Variants in PPME1 observed in about 807,000 individuals in gnomAD.
The protein encoded by PPME1 is protein phosphatase methylesterase 1, also known as testicular secretory protein Li 39.
A neutral mutation model predicts 56.9 loss-of-function variants in PPME1; 17 were observed. That is an observed-to-expected ratio of 0.30 (90% CI 0.20 to 0.45). The LOEUF (loss-of-function observed/expected upper bound fraction) is 0.45. PPME1 is among the 20% of genes least tolerant of loss of function. The probability of loss-of-function intolerance (pLI) is 1.00; values close to 1 mark genes in which losing one functional copy is unlikely to be tolerated. For synonymous variants in PPME1, 122 were observed against 156.2 expected, an observed-to-expected ratio of 0.78 and a Z score of 1.63; for missense variants, 357 against 483.2, an observed-to-expected ratio of 0.74 and a Z score of 2.45.
At chr11:74,218,885 A>G (rs1270135396) in intron 3 of PPME1, among the ~76,000 whole-genome samples, 2 of 152,168 alleles carry the variant, frequency 1.3e-5, no homozygotes, top group African/African-American at 2.4e-5. Context: ...AAAATGGACA[A>G]ATGGGATCAT....
intron 1 of PPME1, among the ~76,000 whole-genome samples, chr11:74,186,964 G>A (rs1279098425): frequency 6.6e-6 from 1 of 152,140 alleles, no homozygotes; most frequent in Non-Finnish European, 1.5e-5. Flanking sequence ...TCTTTTGCAT[G>A]TGGATATCCA....
intron 9 of PPME1, among the ~76,000 whole-genome samples, chr11:74,239,768 G>A (rs1006747603): frequency 6.6e-6 from 1 of 151,324 alleles, no homozygotes; most frequent in Admixed American, 6.6e-5. Flanking sequence ...TTTTAGTAGA[G>A]ACGGGGTTTC....
intron 3 of PPME1, among the ~76,000 whole-genome samples, chr11:74,206,305 A>G (rs951274623): frequency 2.6e-5 from 4 of 151,892 alleles, no homozygotes; most frequent in East Asian, 3.9e-4. Flanking sequence ...CCATCTTTCT[A>G]TTTTCTAGGT....
At chr11:74,209,155 G>C (rs1858405802) in intron 3 of PPME1, among the ~76,000 whole-genome samples, 1 of 152,150 alleles carries the variant, frequency 6.6e-6, no homozygotes, top group Non-Finnish European at 1.5e-5. Context: ...CACCCAGGCT[G>C]GAGTACAGTG....
At chr11:74,183,940 C>T (rs1221369356) in intron 1 of PPME1, among the ~76,000 whole-genome samples, 1 of 152,108 alleles carries the variant, frequency 6.6e-6, no homozygotes, top group East Asian at 1.9e-4. Context: ...TTAGAATTGT[C>T]CATCCTGAAT....
At chr11:74,174,830 A>C (rs1284663456) in intron 1 of PPME1, among the ~76,000 whole-genome samples, 1 of 152,256 alleles carries the variant, frequency 6.6e-6, no homozygotes, top group Non-Finnish European at 1.5e-5. Flanking sequence ...GGGTAAAGAC[A>C]TTCAGACCCA....
At chr11:74,189,241 T>G (rs1351983458) in intron 1 of PPME1, among the ~76,000 whole-genome samples, 1 of 152,250 alleles carries the variant, frequency 6.6e-6, no homozygotes, top group East Asian at 1.9e-4. Context: ...AATTAAAAAA[T>G]ATAATAAATA....
intron 4 of PPME1, 64 bp from the exon 5 acceptor site, chr11:74,225,141 G>T: frequency 1.8e-6 from 2 of 1,119,460 alleles, no homozygotes; most frequent in South Asian, 1.5e-5. Flanking sequence ...TTTTAAAAGA[G>T]AATACTTCTG....
intron 1 of PPME1, among the ~76,000 whole-genome samples, chr11:74,183,153 C>T (rs1333156305): frequency 6.6e-6 from 1 of 152,020 alleles, no homozygotes; most frequent in Admixed American, 6.6e-5. Context: ...AAAAATTAGC[C>T]AGGCATGGTA....
intron 3 of PPME1, among the ~76,000 whole-genome samples, chr11:74,206,979 A>G (rs1858345476): frequency 6.6e-6 from 1 of 152,220 alleles, no homozygotes; most frequent in African/African-American, 2.4e-5. Context: ...CTATGAGATT[A>G]GCCAGATAAG....
At chr11:74,180,168 G>T (rs907291754) in intron 1 of PPME1, among the ~76,000 whole-genome samples, 1 of 151,972 alleles carries the variant, frequency 6.6e-6, no homozygotes, top group Non-Finnish European at 1.5e-5. Context: ...CTTTCCTTAG[G>T]ATTTGATCAT....
intron 3 of PPME1, among the ~76,000 whole-genome samples, chr11:74,220,276 A>G (rs1424662881): frequency 6.6e-6 from 1 of 151,870 alleles, no homozygotes; most frequent in Non-Finnish European, 1.5e-5. Flanking sequence ...GTGAAATTAT[A>G]AAGTGATACA....
At chr11:74,192,866 G>A (rs894115281) in intron 1 of PPME1, among the ~76,000 whole-genome samples, 7 of 152,242 alleles carry the variant, frequency 4.6e-5, no homozygotes, top group Middle Eastern at 3.4e-3. Context: ...AGAACCATTA[G>A]CCAGTTAAAC....
chr11:74,211,505 C>T (rs568529640), intron 3 of PPME1, among the ~76,000 whole-genome samples: 44 of 152,232 alleles, frequency 2.9e-4, no homozygotes, highest in African/African-American at 7.2e-4. Context: ...GATTAAACAA[C>T]ACAAATGAAT....
intron 1 of PPME1, among the ~76,000 whole-genome samples, chr11:74,183,979 GC>G (rs1857606472): frequency 6.6e-6 from 1 of 152,180 alleles, no homozygotes; most frequent in Non-Finnish European, 1.5e-5. Context: ...GGAGGGAGGA[GC>G]CATAGACTTA....
At chr11:74,229,230 A>T (rs997112473) in intron 5 of PPME1, among the ~76,000 whole-genome samples, 1 of 152,180 alleles carries the variant, frequency 6.6e-6, no homozygotes, top group Admixed American at 6.5e-5. Context: ...TTTGGTTAAC[A>T]CTGTGTGAGT....
intron 3 of PPME1, among the ~76,000 whole-genome samples, chr11:74,208,964 A>G (rs1858401056): frequency 6.6e-6 from 1 of 152,210 alleles, no homozygotes. Context: ...TGTATAATAT[A>G]TGATGAGGGT....
At chr11:74,222,191 CTTTTGAT>C in intron 3 of PPME1, 114 bp from the exon 4 acceptor site, 1 of 722,870 alleles carries the variant, frequency 1.4e-6, no homozygotes, top group Non-Finnish European at 2.3e-6. Flanking sequence ...ACTAGAAAGT[CTTTTGAT>C]TCTCTTGGGT....
chr11:74,249,198 C>T (rs563632824), intron 11 of PPME1: 3 of 152,294 alleles, frequency 2.0e-5, no homozygotes. Flanking sequence ...AAGGAACATT[C>T]CACAGAACAA....
Sources: allele counts gnomAD v4.1 joint callset (sites outside exome capture counted in the v4.1 genomes callset), GRCh38; gene constraint gnomAD v4.1.1; transcripts MANE v1.5; gene names NCBI Gene and HGNC (gene_info 2026-07-23, HGNC 2026-07-21).